FRMD6: variants seen among roughly 807,000 people sequenced by gnomAD.
FRMD6 encodes FERM domain-containing protein 6.
A neutral mutation model predicts 73.2 loss-of-function variants in FRMD6; 37 were observed. The ratio of observed to expected loss-of-function variants is 0.51; its 90% confidence interval spans 0.39 to 0.66. FRMD6 has a LOEUF of 0.66. FRMD6 is among the 30% of genes least tolerant of loss of function. FRMD6 has a pLI of 0.00. For missense variants in FRMD6, 714 were observed against 780.5 expected, an observed-to-expected ratio of 0.91 and a Z score of 1.02; for synonymous variants, 273 against 282.2, an observed-to-expected ratio of 0.97 and a Z score of 0.33.
chr14:51,684,756 AG>A (rs1895036623), intron 1 of FRMD6, among the ~76,000 whole-genome samples: 1 of 151,980 alleles, frequency 6.6e-6, no homozygotes, highest in Non-Finnish European at 1.5e-5. Context: ...CCAAAATGTC[AG>A]TAGTGGCAAG....
At chr14:51,406,941 G>A in the FRMD6 span, among the ~76,000 whole-genome samples, 1 of 152,096 alleles carries the variant, frequency 6.6e-6, no homozygotes, top group Non-Finnish European at 1.5e-5. Flanking sequence ...AAAAATGCAA[G>A]TGATATTTAC....
At chr14:51,491,792 G>A (rs1883019111) in intron 1 of FRMD6, among the ~76,000 whole-genome samples, 1 of 152,198 alleles carries the variant, frequency 6.6e-6, no homozygotes, top group Non-Finnish European at 1.5e-5. Flanking sequence ...AGTTGGCCAG[G>A]AGAAGACAGT....
chr14:51,584,873 G>T (rs1388591527), intron 2 of FRMD6, among the ~76,000 whole-genome samples: 4 of 152,116 alleles, frequency 2.6e-5, no homozygotes, highest in South Asian at 2.1e-4. Flanking sequence ...TCTGTGACTT[G>T]GGCAAATTTA....
chr14:51,579,880 TA>T lies in FRMD6; in HGVS notation c.-147+9474del, dbSNP rs1888616967. Among the ~76,000 whole-genome samples the T allele has an allele frequency of 2.6e-5, 4 of 152,064 alleles. No homozygotes were observed. In the South Asian group the frequency reaches 8.3e-4, roughly 32 times the overall value. ...CACTCACCACCACTAAAAGCAACAA[TA>T]AAACTGTCTCTTCTCTCCTTCTGGG... On this transcript the variant is annotated intron_variant, in intron 2 of 14. Coordinates refer to the FRMD6 transcript ENST00000356218.
rs745908945 is a variant in FRMD6 at position 51,727,824 on chromosome 14, T to A, written c.1664T>A (p.Phe555Tyr). ...LDDIRLYQKD[F>Y]LRIAGLCQDT... ...GACATCAGACTTTACCAGAAAGACTTCCTGCGCATTGCAGGTCTGTGTCAG... is the reference window on the plus strand; with the variant it reads ...GACATCAGACTTTACCAGAAAGACTACCTGCGCATTGCAGGTCTGTGTCAG... The change falls in exon 14 of 14, where the codon TTC (phenylalanine) becomes TAC (tyrosine). Residue 555 changes from phenylalanine (F) to tyrosine (Y), a missense_variant. Transcript: ENST00000344768. The A allele has an allele frequency of 6.2e-7, 1 of 1,614,144 alleles. No homozygotes were observed. Among genetic ancestry groups the A allele is most frequent in the East Asian group, 2.2e-5 (1 of 44,890 alleles).
chr14:51,468,261 G>A, the FRMD6 span, among the ~76,000 whole-genome samples: 2 of 146,074 alleles, frequency 1.4e-5, no homozygotes, highest in Admixed American at 1.4e-4. Context: ...GCCTCGGCTC[G>A]GCATCAGAGG....
intron 1 of FRMD6, among the ~76,000 whole-genome samples, chr14:51,525,328 G>A (rs1001572499): frequency 6.6e-6 from 1 of 151,966 alleles, no homozygotes; most frequent in African/African-American, 2.4e-5. Flanking sequence ...GAGTGCAGTA[G>A]CGAGGTCTCT....
At chr14:51,523,508 A>G (rs1236732369) in intron 1 of FRMD6, among the ~76,000 whole-genome samples, 1 of 152,196 alleles carries the variant, frequency 6.6e-6, no homozygotes. Context: ...GAACTCAAAG[A>G]CAGAAACCCA....
chr14:51,432,879 G>A, the FRMD6 span, among the ~76,000 whole-genome samples: 1 of 152,174 alleles, frequency 6.6e-6, no homozygotes, highest in Non-Finnish European at 1.5e-5. Flanking sequence ...AGATGTGAAA[G>A]TTTCCTGTCC....
chr14:51,704,739 A>AT lies in FRMD6; in HGVS notation c.372-5dup. The AT allele has an allele frequency of 6.3e-7, 1 of 1,598,888 alleles. No individual in the cohort carries two copies. Among genetic ancestry groups the AT allele is most frequent in the South Asian group, 1.1e-5 (1 of 90,248 alleles). On this transcript the variant is annotated splice_polypyrimidine_tract_variant and intron_variant, in intron 5 of 13. Coordinates refer to ENST00000344768, the MANE Select transcript of FRMD6 (RefSeq NM_001267046.2). ...CAAAATGTGAGTTCTGTTTTCTTTT[A>AT]TTTTTCTAGTGACAGAGCAGCAAGA...
chr14:51,633,268 ACCT>A (rs1210796610), intron 2 of FRMD6, among the ~76,000 whole-genome samples: 2 of 150,044 alleles, frequency 1.3e-5, no homozygotes, highest in African/African-American at 2.4e-5. Flanking sequence ...GTTATTATTT[ACCT>A]CCTCTTTTTT....
At chr14:51,461,945 G>A in the FRMD6 span, among the ~76,000 whole-genome samples, 1 of 152,164 alleles carries the variant, frequency 6.6e-6, no homozygotes, top group Non-Finnish European at 1.5e-5. Flanking sequence ...TTAGCACACA[G>A]CAGGCACTCA....
the FRMD6 span, among the ~76,000 whole-genome samples, chr14:51,429,430 TTTTG>T: frequency 1.3e-5 from 2 of 151,790 alleles, no homozygotes; most frequent in Admixed American, 6.6e-5. Flanking sequence ...GAAGATTTTT[TTTTG>T]TTTGTTTGTT....
chr14:51,434,227 T>C, the FRMD6 span, among the ~76,000 whole-genome samples: 4 of 152,300 alleles, frequency 2.6e-5, no homozygotes, highest in East Asian at 7.7e-4. Context: ...ACATATGTAA[T>C]ATACAGACAC....
At chr14:51,667,436 A>G (rs999595212) in intron 1 of FRMD6, among the ~76,000 whole-genome samples, 1 of 152,172 alleles carries the variant, frequency 6.6e-6, no homozygotes, top group African/African-American at 2.4e-5. Context: ...CAAAATATAG[A>G]GTGGAATTTT....
the FRMD6 span, among the ~76,000 whole-genome samples, chr14:51,405,229 A>G: frequency 4.6e-5 from 7 of 152,294 alleles, no homozygotes; most frequent in South Asian, 2.1e-4. Flanking sequence ...TAGTGCTGCA[A>G]TGAACACTTG....
At chr14:51,572,060 G>T (rs575924702) in intron 2 of FRMD6, among the ~76,000 whole-genome samples, 17 of 152,344 alleles carry the variant, frequency 1.1e-4, no homozygotes, top group African/African-American at 4.1e-4. Flanking sequence ...TGCTCTTCTA[G>T]TTCCTTGGCC....
At chr14:51,721,029 C>T (rs1005964559) in intron 11 of FRMD6, among the ~76,000 whole-genome samples, 4 of 152,148 alleles carry the variant, frequency 2.6e-5, no homozygotes, top group Non-Finnish European at 5.9e-5. Context: ...AAAAGATAGA[C>T]TTTGTTAAAG....
intron 2 of FRMD6, among the ~76,000 whole-genome samples, chr14:51,573,456 G>A (rs1241550479): frequency 1.3e-5 from 2 of 152,192 alleles, no homozygotes; most frequent in African/African-American, 2.4e-5. Context: ...GTCTTAAGGT[G>A]AAACAGATAT....
Sources: gnomAD v4.1 joint callset for allele counts (sites outside exome capture counted in the v4.1 genomes callset) on GRCh38, gnomAD v4.1.1 for gene constraint, MANE v1.5 for transcripts, NCBI Gene and HGNC (gene_info 2026-07-23, HGNC 2026-07-21) for gene names.